CACNA1C: variants seen among roughly 807,000 people sequenced by gnomAD.
CACNA1C encodes calcium voltage-gated channel subunit alpha1 C.
In CACNA1C, 30 loss-of-function variants were observed where a neutral mutation model predicts 229.0. The observed-to-expected ratio is 0.13, with a 90% CI of 0.10 to 0.18. The LOEUF is 0.18. CACNA1C is among the 10% of genes least tolerant of loss of function. The pLI, the probability that CACNA1C is intolerant of heterozygous loss-of-function variation, is 1.00. For synonymous variants in CACNA1C, 1,114 were observed against 1,132.5 expected (o/e 0.98, Z 0.33); for missense variants, 1,658 against 2,845.0 (o/e 0.58, Z 9.49).
At chr12:2,194,543 T>C (rs2097345935) in intron 3 of CACNA1C, among the ~76,000 whole-genome samples, 1 of 152,196 alleles carries the variant, frequency 6.6e-6, no homozygotes, top group South Asian at 2.1e-4. Context: ...CAAATGTTTT[T>C]CATTGATGAC....
intron 30 of CACNA1C, among the ~76,000 whole-genome samples, chr12:2,642,856 C>G (rs1268397510): frequency 1.3e-5 from 2 of 152,194 alleles, no homozygotes; most frequent in Non-Finnish European, 2.9e-5. Flanking sequence ...AACTCCCAGG[C>G]AATTCTGTGA....
At chr12:2,324,000 C>T (rs566264752) in intron 3 of CACNA1C, among the ~76,000 whole-genome samples, 34 of 152,246 alleles carry the variant, frequency 2.2e-4, no homozygotes, top group African/African-American at 8.2e-4. Context: ...TCGCAGGAGC[C>T]GGGTCTGTTT....
chr12:2,213,723 G>A (rs571316349), intron 3 of CACNA1C, among the ~76,000 whole-genome samples: 3 of 152,212 alleles, frequency 2.0e-5, no homozygotes, highest in African/African-American at 7.2e-5. Context: ...CCCAGGCCCC[G>A]GGCCCCGTCC....
intron 3 of CACNA1C, among the ~76,000 whole-genome samples, chr12:2,224,654 G>A (rs1025767750): frequency 1.3e-5 from 2 of 152,174 alleles, no homozygotes; most frequent in African/African-American, 4.8e-5. Context: ...ATTTTGGGGA[G>A]TAGCTTACTT....
chr12:2,376,348 G>C (rs1331880645), intron 3 of CACNA1C, among the ~76,000 whole-genome samples: 1 of 152,108 alleles, frequency 6.6e-6, no homozygotes, highest in Non-Finnish European at 1.5e-5. Flanking sequence ...TTATTGCAGA[G>C]TCCTCATAAA....
intron 3 of CACNA1C, among the ~76,000 whole-genome samples, chr12:2,306,130 T>C (rs911033207): frequency 8.5e-5 from 13 of 152,206 alleles, no homozygotes; most frequent in African/African-American, 3.1e-4. Flanking sequence ...GCCTCTCCTC[T>C]GAGGGGAGCC....
At chr12:2,537,232 A>G (rs925853759) in intron 9 of CACNA1C, among the ~76,000 whole-genome samples, 2 of 152,238 alleles carry the variant, frequency 1.3e-5, no homozygotes, top group African/African-American at 2.4e-5. Context: ...AAATTCATCA[A>G]TAGACATTCT....
At chr12:2,001,431 C>T (rs2042176443) in intron 1 of CACNA1C, among the ~76,000 whole-genome samples, 1 of 152,094 alleles carries the variant, frequency 6.6e-6, no homozygotes. Flanking sequence ...AAGAAATAAG[C>T]AATTCAGAAT....
At chr12:2,280,614 C>T (rs1362036538) in intron 3 of CACNA1C, among the ~76,000 whole-genome samples, 2 of 13,038 alleles carry the variant, frequency 1.5e-4, no homozygotes, top group African/African-American at 7.9e-4. Flanking sequence ...CTCTTGATAC[C>T]TTGCTGTGCT....
chr12:2,473,445 A>G (rs912626425), intron 5 of CACNA1C, among the ~76,000 whole-genome samples: 1 of 152,190 alleles, frequency 6.6e-6, no homozygotes, highest in African/African-American at 2.4e-5. Flanking sequence ...GTTCTTAATT[A>G]TAGTATATTA....
At chr12:2,009,365 CAG>C (rs2044006809) in intron 1 of CACNA1C, among the ~76,000 whole-genome samples, 1 of 152,130 alleles carries the variant, frequency 6.6e-6, no homozygotes, top group African/African-American at 2.4e-5. Flanking sequence ...CTTTGAAAAT[CAG>C]AATATAACTG....
At chr12:2,446,189 A>AGATG in intron 3 of CACNA1C, among the ~76,000 whole-genome samples, 2 of 131,992 alleles carry the variant, frequency 1.5e-5, no homozygotes, top group East Asian at 5.2e-4. Context: ...GGATATATGT[A>AGATG]GGTGGGTGGG....
At chr12:2,482,365 T>C (rs532492098) in intron 5 of CACNA1C, among the ~76,000 whole-genome samples, 4 of 152,290 alleles carry the variant, frequency 2.6e-5, no homozygotes, top group African/African-American at 9.6e-5. Context: ...ATTTGCACAG[T>C]CGTGAAGCCA....
At chr12:2,014,145 G>A (rs57954851) in intron 1 of CACNA1C, among the ~76,000 whole-genome samples, 2,366 of 152,222 alleles carry the variant, frequency 0.016, 64 homozygotes, top group African/African-American at 0.054. Flanking sequence ...GGCTGGCTCC[G>A]TGGGCCTTCA....
rs905491855 is a variant in CACNA1C, at chr12:2,124,764, G to A, written c.477+4334G>A. Among the ~76,000 whole-genome samples the A allele has an allele frequency of 2.6e-5, 4 of 152,232 alleles. 1 individual carries two copies. The highest frequency in any genetic ancestry group is 6.5e-5 in the Admixed American group (1 of 15,304). On this transcript the variant is annotated intron_variant, in intron 3 of 46. Transcript: ENST00000399655. ...GAGCTGGCTCCCAGGATGGTGATAC[G>A]AGGAGCCAGGTGCCCTTGGCCAGGA...
At chr12:2,079,768 C>T (rs1236724060) in intron 1 of CACNA1C, among the ~76,000 whole-genome samples, 2 of 152,146 alleles carry the variant, frequency 1.3e-5, no homozygotes, top group Non-Finnish European at 2.9e-5. Context: ...CAAAAATAAT[C>T]ACAAAAACTC....
chr12:2,574,779 C>T (rs1323424287), intron 13 of CACNA1C, among the ~76,000 whole-genome samples: 1 of 152,224 alleles, frequency 6.6e-6, no homozygotes, highest in Non-Finnish European at 1.5e-5. Flanking sequence ...TCATTGAGGG[C>T]CATTATTAAG....
At position 2,679,055 on chromosome 12, in the gene CACNA1C, C is replaced by T. The variant is rs114939925; in HGVS notation, c.5092-389C>T. ...GTCGCTCTCCCAGCCCCCGCCCTCA[C>T]GGTGTGCTGGCTGCTCTTAGGGACC... On this transcript the variant is annotated intron_variant, in intron 41 of 46. Transcript: ENST00000399655. This position sits in a 1 kb window ranked among gnomAD's most constrained non-coding sequence, Gnocchi z 5.5. Among the ~76,000 whole-genome samples, 2,299 of 152,324 alleles carry T rather than the reference C, an allele frequency of 0.015. 65 individuals carry two copies. Among genetic ancestry groups the T allele is most frequent in the African/African-American group, 0.052 (2,182 of 41,580 alleles).
At chr12:2,124,338 A>G (rs2088904846) in intron 3 of CACNA1C, among the ~76,000 whole-genome samples, 1 of 152,150 alleles carries the variant, frequency 6.6e-6, no homozygotes. Context: ...ACATATTTGC[A>G]TTGCGTCTCT....
Sources: gnomAD v4.1 joint callset for allele counts (sites outside exome capture counted in the v4.1 genomes callset) on GRCh38, gnomAD v4.1.1 for gene constraint, Gnocchi (gnomAD v3.1) non-coding constraint, MANE v1.5 for transcripts, NCBI Gene and HGNC (gene_info 2026-07-23, HGNC 2026-07-21) for gene names.